Variants in DIAPH3 observed in about 807,000 individuals in gnomAD.
DIAPH3 encodes protein diaphanous homolog 3.
In DIAPH3, 117 loss-of-function variants were observed where a neutral mutation model predicts 144.3. That is an observed-to-expected ratio of 0.81 (90% confidence interval 0.70 to 0.95). The LOEUF (loss-of-function observed/expected upper bound fraction) is 0.95. Ranked by LOEUF, DIAPH3 falls within the 40% of genes least tolerant of loss-of-function variation. The pLI is 0.00. For synonymous variants in DIAPH3, 519 were observed against 488.9 expected (o/e 1.06, Z -0.81); for missense variants, 1,421 against 1,412.7 (o/e 1.01, Z -0.09).
At chr13:59,881,364 A>T (rs1671704632) in intron 20 of DIAPH3, among the ~76,000 whole-genome samples, 1 of 152,284 alleles carries the variant, frequency 6.6e-6, no homozygotes, top group African/African-American at 2.4e-5. Flanking sequence ...GGCTCATAGC[A>T]TCGCTGTTTT....
chr13:59,669,280 T>G (rs776317464), intron 27 of DIAPH3, among the ~76,000 whole-genome samples: 2 of 152,196 alleles, frequency 1.3e-5, no homozygotes, highest in Admixed American at 6.5e-5. Flanking sequence ...GATTCATGAC[T>G]ATGAACTTCA....
chr13:60,163,239 C>T (rs147002084), intron 1 of DIAPH3, among the ~76,000 whole-genome samples: 1 of 152,020 alleles, frequency 6.6e-6, no homozygotes, highest in Non-Finnish European at 1.5e-5. Flanking sequence ...AGAAAAAAAA[C>T]CTGTCACCTA....
chr13:59,998,274 C>T (rs1440806846), intron 9 of DIAPH3, among the ~76,000 whole-genome samples: 5 of 152,012 alleles, frequency 3.3e-5, no homozygotes, highest in African/African-American at 1.2e-4. Flanking sequence ...TTTGAAAACT[C>T]CCCCAAGACA....
chr13:59,672,995 T>A (rs952281873), intron 27 of DIAPH3, among the ~76,000 whole-genome samples: 1 of 152,218 alleles, frequency 6.6e-6, no homozygotes, highest in Non-Finnish European at 1.5e-5. Flanking sequence ...TCATTCTTGT[T>A]CTGTATCACT....
chr13:59,742,677 A>AAAGG (rs1205520099), intron 27 of DIAPH3, among the ~76,000 whole-genome samples: 1 of 151,602 alleles, frequency 6.6e-6, no homozygotes, highest in African/African-American at 2.4e-5. Context: ...GGAAAGGAAG[A>AAAGG]AAGGAAGGAA....
At chr13:60,121,044 A>G (rs1403388000) in intron 2 of DIAPH3, among the ~76,000 whole-genome samples, 3 of 152,238 alleles carry the variant, frequency 2.0e-5, no homozygotes, top group Admixed American at 1.3e-4. Context: ...ATTTTAATAT[A>G]TCAATAAATG....
chr13:59,676,934 C>A (rs2032674169), intron 27 of DIAPH3, among the ~76,000 whole-genome samples: 1 of 152,158 alleles, frequency 6.6e-6, no homozygotes, highest in South Asian at 2.1e-4. Context: ...TTCTCCCTGG[C>A]CTATTACTAC....
chr13:60,142,796 C>T (rs182232699), intron 1 of DIAPH3, among the ~76,000 whole-genome samples: 70 of 151,978 alleles, frequency 4.6e-4, no homozygotes, highest in South Asian at 1.2e-3. Flanking sequence ...CTTGCTGTGT[C>T]GCCCAAGCTG....
chr13:59,962,563 G>A (rs1467831788), intron 17 of DIAPH3, among the ~76,000 whole-genome samples: 2 of 152,158 alleles, frequency 1.3e-5, no homozygotes, highest in Admixed American at 1.3e-4. Context: ...CCTGGCACAA[G>A]TAGTAAGGAC....
In DIAPH3 at chr13:59,692,560, A is replaced by T. The variant is rs570199314; in HGVS notation, c.3320-25714T>A. 2.6e-5 allele frequency among the ~76,000 whole-genome samples: 4 copies of T among 152,224 alleles called. No individual in the cohort carries two copies. The East Asian group carries it at 7.7e-4, about 29-fold the overall frequency. ...TCTCCTGTTTGAAGGTGACAATGTT[A>T]TAGTCATAGAACCTTAGGTTTCCTT... On this transcript the variant is annotated intron_variant, in intron 27 of 27. Coordinates refer to ENST00000400324, the MANE Select transcript of DIAPH3 (RefSeq NM_001042517.2).
intron 25 of DIAPH3, among the ~76,000 whole-genome samples, chr13:59,808,450 C>A (rs1220230952): frequency 6.6e-6 from 1 of 151,798 alleles, no homozygotes; most frequent in East Asian, 1.9e-4. Flanking sequence ...GAATATTCAA[C>A]CAAGGCACAA....
intron 20 of DIAPH3, among the ~76,000 whole-genome samples, chr13:59,909,510 T>A (rs2046893207): frequency 6.6e-6 from 1 of 152,100 alleles, no homozygotes; most frequent in South Asian, 2.1e-4. Context: ...TGACAAAAAA[T>A]AAAATAAAAA....
chr13:59,698,208 C>T (rs1236301256), intron 27 of DIAPH3, among the ~76,000 whole-genome samples: 2 of 152,154 alleles, frequency 1.3e-5, no homozygotes, highest in African/African-American at 2.4e-5. Context: ...TGTCATTTTT[C>T]CCTCAACAAG....
At chr13:59,811,761 A>T (rs1220459379) in intron 24 of DIAPH3, among the ~76,000 whole-genome samples, 1 of 151,078 alleles carries the variant, frequency 6.6e-6, no homozygotes, top group Non-Finnish European at 1.5e-5. Context: ...AAAAAAAGAA[A>T]TGTTTGTCAT....
chr13:59,810,053 T>C (rs968994846), intron 25 of DIAPH3, among the ~76,000 whole-genome samples: 1 of 152,178 alleles, frequency 6.6e-6, no homozygotes, highest in Non-Finnish European at 1.5e-5. Context: ...TATGTTTCTG[T>C]AAAATTTCAG....
chr13:59,749,054 G>A (rs991808581), intron 27 of DIAPH3, among the ~76,000 whole-genome samples: 1 of 150,906 alleles, frequency 6.6e-6, no homozygotes, highest in Non-Finnish European at 1.5e-5. Context: ...TCTCTACTGA[G>A]AGTGAGATAG....
intron 27 of DIAPH3, among the ~76,000 whole-genome samples, chr13:59,674,846 CT>C (rs1414258742): frequency 1.3e-5 from 2 of 152,200 alleles, no homozygotes; most frequent in African/African-American, 4.8e-5. Context: ...CTACTAAGCA[CT>C]TGTGGTCACC....
chr13:59,850,063 T>A lies in DIAPH3; in HGVS notation c.2738-10615A>T, dbSNP rs559814540. On this transcript the variant is annotated intron_variant, in intron 22 of 27. Coordinates refer to ENST00000400324, the MANE Select transcript of DIAPH3 (RefSeq NM_001042517.2). ...CTTGTAAGTTGGATTCCTAGGTATT[T>A]TATTCTCTTTGAAGCAATTGTGAAT... 4.3e-3 allele frequency among the ~76,000 whole-genome samples: 636 copies of A among 147,428 alleles called. 3 individuals carry two copies. Among genetic ancestry groups the A allele is most frequent in the Non-Finnish European group, 7.1e-3 (472 of 66,582 alleles).
chr13:59,941,333 G>A (rs1419344481), intron 17 of DIAPH3, among the ~76,000 whole-genome samples: 1 of 152,144 alleles, frequency 6.6e-6, no homozygotes, highest in Non-Finnish European at 1.5e-5. Flanking sequence ...GGCCAAGAGA[G>A]AACTCGCAGG....
Sources: gnomAD v4.1 joint callset for allele counts (sites outside exome capture counted in the v4.1 genomes callset) on GRCh38, gnomAD v4.1.1 for gene constraint, MANE v1.5 for transcripts, NCBI Gene and HGNC (gene_info 2026-07-23, HGNC 2026-07-21) for gene names.